Variants in CORO2B observed in about 807,000 individuals in gnomAD.
CORO2B encodes coronin-2B.
A neutral mutation model predicts 58.8 loss-of-function variants in CORO2B; 26 were observed. The observed-to-expected ratio is 0.44, with a 90% CI of 0.32 to 0.61. The LOEUF is 0.61. Among genes scored for constraint, CORO2B ranks in the 20% least tolerant of loss-of-function variants. The pLI, the probability that CORO2B is intolerant of heterozygous loss-of-function variation, is 0.04. For missense variants in CORO2B, 460 were observed against 645.1 expected, an observed-to-expected ratio of 0.71 and a Z score of 3.11; for synonymous variants, 242 against 253.8, an observed-to-expected ratio of 0.95 and a Z score of 0.44.
At chr15:68,530,712 T>A in the CORO2B span, among the ~76,000 whole-genome samples, 2 of 152,214 alleles carry the variant, frequency 1.3e-5, no homozygotes, top group Non-Finnish European at 2.9e-5. Context: ...ATTAAATATT[T>A]CTCTTATGTC....
intron 3 of CORO2B, among the ~76,000 whole-genome samples, chr15:68,701,323 T>C (rs1297099840): frequency 6.6e-6 from 1 of 150,380 alleles, no homozygotes; most frequent in African/African-American, 2.5e-5. Flanking sequence ...TTTTTTCTTT[T>C]TTTTGAGAGA....
At chr15:68,528,314 T>C in the CORO2B span, among the ~76,000 whole-genome samples, 4 of 152,194 alleles carry the variant, frequency 2.6e-5, no homozygotes, top group Non-Finnish European at 2.9e-5. Flanking sequence ...GGAAGTTTTC[T>C]TCTATTCCTA....
At chr15:68,599,060 C>T (rs1289719231) in intron 1 of CORO2B, among the ~76,000 whole-genome samples, 1 of 152,234 alleles carries the variant, frequency 6.6e-6, no homozygotes, top group African/African-American at 2.4e-5. Context: ...TCAAAGCCTT[C>T]ACTCTCTGGC....
At chr15:68,596,491 C>T (rs1023500870) in intron 1 of CORO2B, among the ~76,000 whole-genome samples, 4 of 151,998 alleles carry the variant, frequency 2.6e-5, no homozygotes, top group Admixed American at 6.5e-5. Flanking sequence ...CTGCCTGCCA[C>T]GGAAAGCACA....
intron 1 of CORO2B, among the ~76,000 whole-genome samples, chr15:68,599,489 A>G (rs990099653): frequency 6.6e-6 from 1 of 152,354 alleles, no homozygotes; most frequent in Non-Finnish European, 1.5e-5. Flanking sequence ...CAGCCATATA[A>G]GATGCATTCG....
At chr15:68,717,933 G>A (rs1408348888) in intron 8 of CORO2B, among the ~76,000 whole-genome samples, 1 of 152,184 alleles carries the variant, frequency 6.6e-6, no homozygotes, top group Non-Finnish European at 1.5e-5. Context: ...CTCAGGTAGG[G>A]CCATTGTTGT....
At chr15:68,518,544 C>G in the CORO2B span, among the ~76,000 whole-genome samples, 1 of 152,160 alleles carries the variant, frequency 6.6e-6, no homozygotes, top group Non-Finnish European at 1.5e-5. Context: ...CCCTTTGGCT[C>G]TTTTCCCCCT....
At chr15:68,602,499 C>G (rs1376638014) in intron 1 of CORO2B, among the ~76,000 whole-genome samples, 1 of 151,960 alleles carries the variant, frequency 6.6e-6, no homozygotes, top group African/African-American at 2.4e-5. Context: ...TTTTAGGTCA[C>G]TAAGAGAGAG....
At chr15:68,717,518 G>A (rs1893060202) in intron 8 of CORO2B, among the ~76,000 whole-genome samples, 1 of 152,168 alleles carries the variant, frequency 6.6e-6, no homozygotes, top group African/African-American at 2.4e-5. Flanking sequence ...TATCGGATAT[G>A]GAGGGGTGGA....
intron 3 of CORO2B, among the ~76,000 whole-genome samples, chr15:68,700,949 G>A (rs540280578): frequency 6.6e-6 from 1 of 152,216 alleles, no homozygotes; most frequent in South Asian, 2.1e-4. Flanking sequence ...CTTCCATCCT[G>A]TGTCTGCTCT....
the CORO2B span, among the ~76,000 whole-genome samples, chr15:68,561,823 C>T: frequency 8.5e-5 from 13 of 152,292 alleles, no homozygotes; most frequent in East Asian, 2.5e-3. Context: ...CATGGTTATC[C>T]TGCTAGTGTG....
the CORO2B span, among the ~76,000 whole-genome samples, chr15:68,549,553 G>A: frequency 1.1e-4 from 17 of 152,312 alleles, no homozygotes; most frequent in African/African-American, 3.8e-4. Flanking sequence ...CAGGCCCCCT[G>A]TGAGTCAGGG....
chr15:68,576,939 A>C (rs1243780920), upstream of CORO2B, among the ~76,000 whole-genome samples: 1 of 152,196 alleles, frequency 6.6e-6, no homozygotes, highest in Admixed American at 6.5e-5. Context: ...TCAGAACTAA[A>C]TGCAACAGGG....
At chr15:68,693,824 G>A (rs1306184502) in intron 2 of CORO2B, among the ~76,000 whole-genome samples, 3 of 43,876 alleles carry the variant, frequency 6.8e-5, no homozygotes, top group African/African-American at 1.7e-4. Flanking sequence ...ATCTGGTTGT[G>A]ATTTGTTTGT....
the CORO2B span, among the ~76,000 whole-genome samples, chr15:68,558,879 T>C: frequency 6.6e-5 from 10 of 152,318 alleles, no homozygotes; most frequent in South Asian, 2.1e-3. Context: ...CCTCAGTTCC[T>C]TCATCTCCAG....
intron 1 of CORO2B, among the ~76,000 whole-genome samples, chr15:68,584,681 C>T (rs568956587): frequency 2.0e-5 from 3 of 152,186 alleles, no homozygotes; most frequent in Non-Finnish European, 2.9e-5. Flanking sequence ...GAGATGAGAA[C>T]GTGTGCAGAT....
At chr15:68,592,666 A>G (rs568268793) in intron 1 of CORO2B, among the ~76,000 whole-genome samples, 1 of 152,166 alleles carries the variant, frequency 6.6e-6, no homozygotes, top group Non-Finnish European at 1.5e-5. Flanking sequence ...CATTCACTCT[A>G]TAAATATTTG....
At chr15:68,615,394 G>A (rs1342746572) in intron 1 of CORO2B, among the ~76,000 whole-genome samples, 1 of 152,144 alleles carries the variant, frequency 6.6e-6, no homozygotes, top group Non-Finnish European at 1.5e-5. Context: ...CCTGGTGTAG[G>A]GCAATCACAC....
chr15:68,539,145 G>T, the CORO2B span, among the ~76,000 whole-genome samples: 2,121 of 152,240 alleles, frequency 0.014, 58 homozygotes, highest in African/African-American at 0.048. Context: ...AGCAGAGCTG[G>T]GCTCTAGAGA....
Sources: gnomAD v4.1 joint callset for allele counts (sites outside exome capture counted in the v4.1 genomes callset) on GRCh38, gnomAD v4.1.1 for gene constraint, MANE v1.5 for transcripts, NCBI Gene and HGNC (gene_info 2026-07-23, HGNC 2026-07-21) for gene names.